The following SCNN1B variants were observed in gnomAD, a reference collection of about 807,000 sequenced individuals.
SCNN1B encodes the protein epithelial sodium channel subunit beta.
A neutral mutation model predicts 65.3 loss-of-function variants in SCNN1B; 46 were observed. The ratio of observed to expected loss-of-function variants is 0.70; its 90% CI spans 0.56 to 0.90. SCNN1B has a LOEUF of 0.90. SCNN1B is among the 40% of genes least tolerant of loss of function. The probability of loss-of-function intolerance (pLI) is 0.00; values close to 1 mark genes in which losing one functional copy is unlikely to be tolerated. For missense variants in SCNN1B, 751 were observed against 830.5 expected, an observed-to-expected ratio of 0.90 and a Z score of 1.18; for synonymous variants, 349 against 330.6, an observed-to-expected ratio of 1.06 and a Z score of -0.60.
upstream of SCNN1B, among the ~76,000 whole-genome samples, chr16:23,298,269 G>T (rs1038825049): frequency 9.2e-5 from 14 of 152,126 alleles, no homozygotes; most frequent in Non-Finnish European, 2.1e-4. Flanking sequence ...TGCAGGGCAG[G>T]TTCTTGGCTT....
upstream of SCNN1B, among the ~76,000 whole-genome samples, chr16:23,299,884 A>G (rs563090249): frequency 3.2e-4 from 49 of 152,244 alleles, no homozygotes; most frequent in Non-Finnish European, 5.4e-4. Context: ...ATAAAGACAC[A>G]TGCACATGTA....
chr16:23,375,921 G>A (rs1010102601), intron 8 of SCNN1B, 66 bp downstream of exon 8: 52 of 1,127,634 alleles, frequency 4.6e-5, no homozygotes, highest in Non-Finnish European at 6.6e-5. Context: ...GACCATAGAG[G>A]AGGAGGCAGA....
Position 23,340,558 on chromosome 16 carries a change from G to T in SCNN1B, c.-8-8034G>T, listed in dbSNP as rs751330262. Reference sequence around the variant, plus strand: ...AAATTACACTTTTTTATTTTTTTACGTTTTAATCTTTCTTTTAAATAGAGA... The same window carrying T: ...AAATTACACTTTTTTATTTTTTTACTTTTTAATCTTTCTTTTAAATAGAGA... On this transcript the variant is annotated intron_variant, in intron 1 of 12. Transcript: ENST00000343070. 6.6e-5 allele frequency among the ~76,000 whole-genome samples: 10 copies of T among 151,960 alleles called. No homozygotes were observed. The South Asian group carries it at 2.1e-3, about 32-fold the overall frequency.
chr16:23,335,032 T>C (rs1406805024), intron 1 of SCNN1B, among the ~76,000 whole-genome samples: 1 of 152,088 alleles, frequency 6.6e-6, no homozygotes, highest in Non-Finnish European at 1.5e-5. Context: ...CTTTTCAATA[T>C]TTTTTTTCTC....
intron 1 of SCNN1B, among the ~76,000 whole-genome samples, chr16:23,314,978 A>G (rs72652291): frequency 7.9e-4 from 120 of 152,308 alleles, no homozygotes; most frequent in African/African-American, 2.8e-3. Context: ...CTGGAAAAAC[A>G]AAGCTGGATT....
intron 2 of SCNN1B, among the ~76,000 whole-genome samples, chr16:23,290,936 T>G (rs146366458): frequency 4.6e-5 from 7 of 152,344 alleles, no homozygotes; most frequent in African/African-American, 1.4e-4. Context: ...GCCCCTCCTA[T>G]TCTTTTTAAA....
At chr16:23,354,426 C>T (rs1020843207) in intron 3 of SCNN1B, among the ~76,000 whole-genome samples, 6 of 152,214 alleles carry the variant, frequency 3.9e-5, no homozygotes, top group African/African-American at 1.4e-4. Context: ...CGGGTTCCAG[C>T]AGGGAGAACC....
At chr16:23,301,369 A>AAAAAAAG (rs370527577), upstream of SCNN1B, among the ~76,000 whole-genome samples, 1 of 148,748 alleles carries the variant, frequency 6.7e-6, no homozygotes, top group Admixed American at 6.6e-5. Context: ...CAAAAAAAAA[A>AAAAAAAG]GAAAGAAAGA....
intron 2 of SCNN1B, among the ~76,000 whole-genome samples, chr16:23,295,167 G>A (rs113428141): frequency 9.9e-4 from 151 of 152,216 alleles, no homozygotes; most frequent in African/African-American, 3.5e-3. Flanking sequence ...CTTGTTGACC[G>A]GTGTATCTCT....
At chr16:23,317,908 T>C (rs1337883419) in intron 1 of SCNN1B, among the ~76,000 whole-genome samples, 1 of 151,970 alleles carries the variant, frequency 6.6e-6, no homozygotes, top group South Asian at 2.1e-4. Flanking sequence ...CTTCTTGGAG[T>C]TGTATAGGGC....
At chr16:23,309,462 G>A (rs974628170) in intron 1 of SCNN1B, among the ~76,000 whole-genome samples, 1 of 147,272 alleles carries the variant, frequency 6.8e-6, no homozygotes, top group Non-Finnish European at 1.5e-5. Flanking sequence ...CTAAAGAGGA[G>A]TTTATTAAAT....
chr16:23,312,221 C>T (rs911774706), intron 1 of SCNN1B, among the ~76,000 whole-genome samples: 6 of 152,160 alleles, frequency 3.9e-5, no homozygotes, highest in African/African-American at 1.4e-4. Context: ...CCTCCCACCT[C>T]GAGCTCACAA....
At chr16:23,377,272 C>T (rs1962920377) in intron 9 of SCNN1B, 32 bp downstream of exon 9, 1 of 1,613,842 alleles carries the variant, frequency 6.2e-7, no homozygotes, top group African/African-American at 1.3e-5. Context: ...CAGCAGCGGG[C>T]AGGCATGGAG....
At chr16:23,334,508 G>T (rs1326354729) in intron 1 of SCNN1B, among the ~76,000 whole-genome samples, 1 of 152,154 alleles carries the variant, frequency 6.6e-6, no homozygotes, top group Non-Finnish European at 1.5e-5. Flanking sequence ...GCCGCCCACA[G>T]GTCTAGAACA....
At chr16:23,298,426 C>G (rs573468063), upstream of SCNN1B, among the ~76,000 whole-genome samples, 2 of 152,246 alleles carry the variant, frequency 1.3e-5, no homozygotes, top group African/African-American at 2.4e-5. Context: ...ATATTTATAC[C>G]CACTTTTAAT....
intron 2 of SCNN1B, 75 bp from the exon 3 acceptor site, chr16:23,352,726 G>A: frequency 1.3e-6 from 2 of 1,520,370 alleles, no homozygotes; most frequent in Admixed American, 1.7e-5. Context: ...CTACTATGGA[G>A]TGGGTCCCAG....
chr16:23,308,720 C>T (rs1386726171), intron 1 of SCNN1B, among the ~76,000 whole-genome samples: 3 of 152,148 alleles, frequency 2.0e-5, no homozygotes, highest in Non-Finnish European at 4.4e-5. Flanking sequence ...CTGCAACCTC[C>T]ACCTCGGGTT....
chr16:23,306,836 G>A (rs1046898926), intron 1 of SCNN1B, among the ~76,000 whole-genome samples: 1 of 152,174 alleles, frequency 6.6e-6, no homozygotes, highest in African/African-American at 2.4e-5. Flanking sequence ...AGGAAAGATA[G>A]GAAGATGTAA....
At chr16:23,376,768 AG>A (rs1467255642) in intron 8 of SCNN1B, among the ~76,000 whole-genome samples, 5 of 151,880 alleles carry the variant, frequency 3.3e-5, no homozygotes, top group African/African-American at 7.2e-5. Flanking sequence ...AAAGAAAGAA[AG>A]AAAAAAAAAA....
Sources: allele counts gnomAD v4.1 joint callset (sites outside exome capture counted in the v4.1 genomes callset), GRCh38; gene constraint gnomAD v4.1.1; transcripts MANE v1.5; gene names NCBI Gene and HGNC (gene_info 2026-07-23, HGNC 2026-07-21).